The following KIF2C variants were observed in gnomAD, a reference collection of about 807,000 sequenced individuals.
KIF2C encodes the protein kinesin-like protein KIF2C.
Under a neutral mutation model 97.4 loss-of-function variants are expected in KIF2C, and 34 were observed. That is an observed-to-expected ratio of 0.35 (90% CI 0.27 to 0.46). The LOEUF is 0.46. KIF2C is among the 20% of genes least tolerant of loss of function. The probability of loss-of-function intolerance (pLI) is 1.00; values close to 1 mark genes in which losing one functional copy is unlikely to be tolerated. For synonymous variants in KIF2C, 313 were observed against 318.2 expected (o/e 0.98, Z 0.17); for missense variants, 750 against 907.6 (o/e 0.83, Z 2.23).
In KIF2C at chr1:44,762,448, C is replaced by G; in HGVS notation, c.1854C>G (p.Gly618=). The G allele has an allele frequency of 1.2e-6, 2 of 1,613,928 alleles. No individual in the cohort carries two copies. The highest frequency in any genetic ancestry group is 1.7e-6 in the Non-Finnish European group (2 of 1,179,810). The stretch of plus-strand genomic sequence containing the variant: ...GCTCTAACGGGGCGCTGATTCCAGG[C>G]AATGTAAGGACCAGGATGCGGCCAA... ...EACSNGALIP[G]NLSKEEEELS... Residue 618 remains glycine, a synonymous_variant, in exon 18 of 21, where the codon GGC becomes GGG. Coordinates refer to ENST00000372224, the MANE Select transcript of KIF2C (RefSeq NM_006845.4).
intron 18 of KIF2C, 30 bp from the exon 19 acceptor site, chr1:44,762,515 C>T: frequency 6.2e-7 from 1 of 1,610,226 alleles, no homozygotes; most frequent in Non-Finnish European, 8.5e-7. Flanking sequence ...ACCTGGGTCA[C>T]ATAATTGTCT....
chr1:44,752,349 T>C (rs549056449), intron 5 of KIF2C, among the ~76,000 whole-genome samples: 28 of 151,894 alleles, frequency 1.8e-4, no homozygotes, highest in Admixed American at 4.6e-4. Flanking sequence ...TTAGCCAGGA[T>C]GGTCTCGATC....
In KIF2C at chr1:44,767,083, AC is replaced by A; in HGVS notation, c.2096-11del. 1.2e-6 allele frequency: 2 copies of A among 1,613,688 alleles called. No homozygotes were observed. The highest frequency in any genetic ancestry group is 2.2e-5 in the South Asian group (2 of 91,028). On this transcript the variant is annotated splice_polypyrimidine_tract_variant and intron_variant, in intron 20 of 20. Transcript: ENST00000372224. Reference sequence around the variant, plus strand: ...TCTCACTAACCCCATATGTACCGCTACCCTTTCTTCCAGATGTCATCAAGGC... The same window carrying A: ...TCTCACTAACCCCATATGTACCGCTACCTTTCTTCCAGATGTCATCAAGGC...
chr1:44,753,354 C>T, intron 6 of KIF2C, 100 bp downstream of exon 6: 1 of 1,341,570 alleles, frequency 7.5e-7, no homozygotes, highest in Non-Finnish European at 1.0e-6. Flanking sequence ...AGTTCAAGCC[C>T]TGTTTGTCAC....
chr1:44,748,707 A>ATTT (rs928683142), intron 4 of KIF2C, among the ~76,000 whole-genome samples: 28 of 123,110 alleles, frequency 2.3e-4, no homozygotes, highest in African/African-American at 3.6e-4. Context: ...CACCTGGCTA[A>ATTT]TTTTTTTTTT....
intron 5 of KIF2C, 54 bp from the exon 6 acceptor site, chr1:44,753,078 G>T: frequency 6.4e-7 from 1 of 1,574,194 alleles, no homozygotes; most frequent in Non-Finnish European, 8.7e-7. Context: ...GGGCTCAGGT[G>T]AGATGCCTGT....
intron 5 of KIF2C, among the ~76,000 whole-genome samples, 187 bp downstream of exon 5, chr1:44,750,751 A>G (rs1649468159): frequency 6.6e-6 from 1 of 152,236 alleles, no homozygotes; most frequent in South Asian, 2.1e-4. Flanking sequence ...TTGAAACATT[A>G]CACACACATA....
intron 19 of KIF2C, among the ~76,000 whole-genome samples, chr1:44,764,912 G>T (rs895804852): frequency 6.6e-6 from 1 of 152,142 alleles, no homozygotes; most frequent in African/African-American, 2.4e-5. Flanking sequence ...CTAAGGTCGG[G>T]AGTTTGAAAC....
rs1650493815 is a variant in KIF2C at position 44,766,825 on chromosome 1, G to A, written c.1972-1G>A. On this transcript the variant is annotated splice_acceptor_variant, in intron 19 of 20. Coordinates refer to ENST00000372224, the MANE Select transcript of KIF2C (RefSeq NM_006845.4). LOFTEE classifies it high-confidence loss of function. ...CTGACAAGGTCCTCCCTGTGTTGTA[G>A]CAAGGACCAGACTGGCTTGAGCTCT... is the stretch of plus-strand genomic sequence containing the variant. 3 of 1,614,000 alleles carry A rather than the reference G, an allele frequency of 1.9e-6. No individual in the cohort carries two copies. In the Admixed American group the frequency reaches 5.0e-5, roughly 27 times the overall value.
chr1:44,747,306 T>C, intron 2 of KIF2C, 78 bp from the exon 3 acceptor site: 1 of 1,067,532 alleles, frequency 9.4e-7, no homozygotes, highest in Non-Finnish European at 1.4e-6. Context: ...ATACTCTGTC[T>C]CAAAAAAAAA....
intron 13 of KIF2C, 32 bp downstream of exon 13, chr1:44,758,172 T>G: frequency 6.3e-7 from 1 of 1,588,324 alleles, no homozygotes; most frequent in Non-Finnish European, 8.6e-7. Flanking sequence ...GTTTACACTG[T>G]TGGGGCCCAG....
At chr1:44,743,375 G>T (rs1573548998) in intron 2 of KIF2C, among the ~76,000 whole-genome samples, 1 of 152,144 alleles carries the variant, frequency 6.6e-6, no homozygotes, top group East Asian at 1.9e-4. Flanking sequence ...TACCTCACAG[G>T]GTTGTTGTGA....
At chr1:44,762,004 G>C in intron 17 of KIF2C, 21 bp downstream of exon 17, 15 of 1,606,894 alleles carry the variant, frequency 9.3e-6, no homozygotes, top group Non-Finnish European at 1.3e-5. Flanking sequence ...CTACAGCTAG[G>C]TGGGATGCGG....
At chr1:44,752,133 ATT>A (rs1176639607) in intron 5 of KIF2C, among the ~76,000 whole-genome samples, 30 of 81,460 alleles carry the variant, frequency 3.7e-4, no homozygotes, top group African/African-American at 1.2e-3. Flanking sequence ...ATTAAATTGA[ATT>A]TTTTTTTTTT....
intron 2 of KIF2C, among the ~76,000 whole-genome samples, chr1:44,743,891 C>G (rs1215659357): frequency 2.0e-5 from 3 of 152,194 alleles, no homozygotes; most frequent in African/African-American, 4.8e-5. Flanking sequence ...TGAATACTTT[C>G]CATTATCTGC....
At position 44,740,894 on chromosome 1, in the gene KIF2C, G is replaced by T. The variant is rs189702486; in HGVS notation, c.71-19G>T. The stretch of plus-strand genomic sequence containing the variant: ...CTCAGGAAAGAGATGGGTAACTCTG[G>T]TTTTTTCATACTTTATAGGTTTAAT... On this transcript the variant is annotated intron_variant, in intron 1 of 20. Transcript: ENST00000372224. The T allele has an allele frequency of 3.9e-4, 616 of 1,564,108 alleles. 3 individuals carry two copies. The African/African-American group carries it at 7.7e-3, about 19-fold the overall frequency.
intron 10 of KIF2C, 61 bp downstream of exon 10, chr1:44,756,298 C>A: frequency 6.5e-7 from 1 of 1,532,046 alleles, no homozygotes. Flanking sequence ...TTTTGTGGGA[C>A]ATCGTGGTAA....
intron 4 of KIF2C, 181 bp from the exon 5 acceptor site, chr1:44,750,261 G>C: frequency 1.9e-6 from 1 of 515,190 alleles, no homozygotes; most frequent in Non-Finnish European, 3.1e-6. Flanking sequence ...TGGACAAAGA[G>C]GTTTTGGGGT....
rs186532380 is a variant in KIF2C at position 44,740,388 on chromosome 1, A to G, written c.70+386A>G. ...ATTGCGCAGTTGCGGTATGTCAGGTAAACGGGACAGACAAGAACCCTGCGC... is the reference window on the plus strand; with the variant it reads ...ATTGCGCAGTTGCGGTATGTCAGGTGAACGGGACAGACAAGAACCCTGCGC... On this transcript the variant is annotated intron_variant, in intron 1 of 20. Transcript: ENST00000372224. Among the ~76,000 whole-genome samples, 672 of 152,318 alleles carry G rather than the reference A, an allele frequency of 4.4e-3. 6 individuals carry two copies. The highest frequency in any genetic ancestry group is 7.8e-3 in the Non-Finnish European group (533 of 68,030).
Sources: gnomAD v4.1 joint callset for allele counts (sites outside exome capture counted in the v4.1 genomes callset) on GRCh38, gnomAD v4.1.1 for gene constraint, MANE v1.5 for transcripts, NCBI Gene and HGNC (gene_info 2026-07-23, HGNC 2026-07-21) for gene names.